The following BUB1B variants were observed in gnomAD, a reference collection of about 807,000 sequenced individuals.
The protein encoded by BUB1B is BUB1 mitotic checkpoint serine/threonine kinase B.
A neutral mutation model predicts 137.7 loss-of-function variants in BUB1B; 86 were observed. The observed-to-expected ratio is 0.62, with a 90% CI of 0.52 to 0.75. BUB1B has a LOEUF of 0.75. Among genes scored for constraint, BUB1B ranks in the 30% least tolerant of loss-of-function variants. BUB1B has a pLI of 0.00. For synonymous variants in BUB1B, 420 were observed against 417.9 expected (o/e 1.00, Z -0.06); for missense variants, 1,130 against 1,236.9 (o/e 0.91, Z 1.30).
intron 5 of BUB1B, among the ~76,000 whole-genome samples, chr15:40,183,380 A>T (rs1337400463): frequency 2.6e-5 from 4 of 152,238 alleles, no homozygotes; most frequent in African/African-American, 9.6e-5. Flanking sequence ...TCTAATAAAA[A>T]GTTAGTGGGA....
chr15:40,217,626 G>A lies in BUB1B; in HGVS notation c.2809G>A (p.Glu937Lys), dbSNP rs1219557857. 1 of 1,614,178 alleles carries A rather than the reference G, an allele frequency of 6.2e-7. No homozygotes were observed. The highest frequency in any genetic ancestry group is 8.5e-7 in the Non-Finnish European group (1 of 1,180,016). ...CGGCTTTCGGACTGTACAGATCCTG[G>A]AAGGACAAAAGATCCTGGCTAACTG... ...LSGFRTVQIL[E>K]GQKILANCSS... is the part of the protein sequence containing the mutation. The change falls in exon 21 of 23, where the codon GAA becomes AAA. Residue 937 changes from glutamate (E) to lysine (K), a missense_variant. By Grantham distance (56) the Glu-to-Lys change is moderately conservative. Coordinates refer to ENST00000287598, the MANE Select transcript of BUB1B (RefSeq NM_001211.6).
chr15:40,200,822 A>T, intron 11 of BUB1B, 109 bp from the exon 12 acceptor site: 1 of 895,940 alleles, frequency 1.1e-6, no homozygotes, highest in Non-Finnish European at 1.8e-6. Flanking sequence ...GTAATAATTT[A>T]TCTTAGAGTA....
At chr15:40,216,567 ATATATT>A (rs1163830906) in intron 20 of BUB1B, among the ~76,000 whole-genome samples, 70 of 57,580 alleles carry the variant, frequency 1.2e-3, no homozygotes, top group African/African-American at 3.0e-3. Flanking sequence ...ATATATATAT[ATATATT>A]TTTTTTTTTT....
chr15:40,185,441 A>C, intron 7 of BUB1B, 62 bp downstream of exon 7: 2 of 1,597,076 alleles, frequency 1.3e-6, no homozygotes, highest in Non-Finnish European at 1.7e-6. Flanking sequence ...TAGGGTAGAG[A>C]AGTATTTTTA....
At chr15:40,198,434 C>T (rs2037525302) in intron 9 of BUB1B, among the ~76,000 whole-genome samples, 1 of 152,032 alleles carries the variant, frequency 6.6e-6, no homozygotes, top group South Asian at 2.1e-4. Flanking sequence ...TATAAATTCC[C>T]ATCTGTGTAT....
chr15:40,216,894 T>A (rs1161851080), intron 20 of BUB1B, among the ~76,000 whole-genome samples: 1 of 152,022 alleles, frequency 6.6e-6, no homozygotes, highest in Non-Finnish European at 1.5e-5. Flanking sequence ...ACAAAATTAA[T>A]TGATAATTAA....
At chr15:40,206,121 C>G (rs1336028017) in intron 14 of BUB1B, 63 bp from the exon 15 acceptor site, 1 of 1,540,748 alleles carries the variant, frequency 6.5e-7, no homozygotes, top group African/African-American at 1.4e-5. Context: ...ATGTCTCTCT[C>G]AGTAAAAAAG....
intron 22 of BUB1B, 24 bp downstream of exon 22, chr15:40,218,586 T>G: frequency 1.3e-6 from 2 of 1,516,106 alleles, no homozygotes; most frequent in Non-Finnish European, 1.8e-6. Flanking sequence ...AATGTCAGGG[T>G]CTCTGCCTGT....
chr15:40,161,706 T>C (rs2037044452), intron 1 of BUB1B, among the ~76,000 whole-genome samples: 1 of 152,168 alleles, frequency 6.6e-6, no homozygotes, highest in African/African-American at 2.4e-5. Context: ...AGCACAGAGA[T>C]CTGAAAGCCT....
chr15:40,176,952 A>G (rs1350375351), intron 5 of BUB1B, among the ~76,000 whole-genome samples: 1 of 152,166 alleles, frequency 6.6e-6, no homozygotes, highest in Non-Finnish European at 1.5e-5. Context: ...TGTAATTAGT[A>G]CCTATGCTGA....
chr15:40,203,622 C>A (rs2037602070), intron 14 of BUB1B, among the ~76,000 whole-genome samples: 1 of 152,088 alleles, frequency 6.6e-6, no homozygotes, highest in African/African-American at 2.4e-5. Flanking sequence ...ACCAACATAG[C>A]AAAAGACATT....
At chr15:40,209,878 T>C (rs1337219009) in intron 17 of BUB1B, 103 bp downstream of exon 17, 6 of 1,482,330 alleles carry the variant, frequency 4.0e-6, no homozygotes, top group Non-Finnish European at 4.7e-6. Context: ...ATTCCTAGAT[T>C]GTATTTTTTA....
chr15:40,196,774 G>A lies in BUB1B; in HGVS notation c.1288G>A (p.Ala430Thr). ...GAAGAAATTAAAAGAGCAAAGGGAA[G>A]GTGTGTGTAATTCAAGTTTGTGAAG... ...FRKKLKEQRE[A>T]ELLTSAEKRA... is the part of the protein sequence containing the mutation. Residue 430 changes from alanine (A) to threonine (T), a missense_variant and splice_region_variant, in exon 9 of 23, where the codon GCC (alanine) becomes ACC (threonine). Transcript: ENST00000287598. 2 of 1,613,512 alleles carry A rather than the reference G, an allele frequency of 1.2e-6. No homozygotes were observed. Among genetic ancestry groups the A allele is most frequent in the Non-Finnish European group, 1.7e-6 (2 of 1,179,514 alleles).
intron 8 of BUB1B, among the ~76,000 whole-genome samples, chr15:40,185,989 A>G (rs1456969203): frequency 6.6e-6 from 1 of 152,254 alleles, no homozygotes; most frequent in Non-Finnish European, 1.5e-5. Flanking sequence ...AATTAGGTTT[A>G]TATTTTCATT....
intron 2 of BUB1B, among the ~76,000 whole-genome samples, chr15:40,168,435 A>G (rs1332400437): frequency 6.6e-6 from 1 of 152,142 alleles, no homozygotes; most frequent in African/African-American, 2.4e-5. Flanking sequence ...ATTGGTTTGA[A>G]TCTATAGATC....
intron 2 of BUB1B, among the ~76,000 whole-genome samples, chr15:40,167,840 C>T (rs1229863990): frequency 6.6e-6 from 1 of 151,676 alleles, no homozygotes; most frequent in African/African-American, 2.4e-5. Context: ...CATTTGACCA[C>T]ATATGTGTGG....
At chr15:40,189,425 G>T (rs756149654) in intron 8 of BUB1B, among the ~76,000 whole-genome samples, 1 of 152,216 alleles carries the variant, frequency 6.6e-6, no homozygotes, top group Non-Finnish European at 1.5e-5. Context: ...TTCCCAGACC[G>T]CTGGGATTAT....
At chr15:40,162,958 A>T (rs887948708) in intron 1 of BUB1B, among the ~76,000 whole-genome samples, 14 of 152,150 alleles carry the variant, frequency 9.2e-5, no homozygotes, top group Admixed American at 3.9e-4. Context: ...TCGTTTCGTT[A>T]TAATGTTGAT....
At chr15:40,165,281 A>G (rs1460018107) in intron 2 of BUB1B, 85 bp downstream of exon 2, 4 of 1,578,698 alleles carry the variant, frequency 2.5e-6, no homozygotes, top group Non-Finnish European at 3.5e-6. Flanking sequence ...GAGAGATGGC[A>G]TAATGAGTAC....
Sources: gnomAD v4.1 joint callset for allele counts (sites outside exome capture counted in the v4.1 genomes callset) on GRCh38, gnomAD v4.1.1 for gene constraint, MANE v1.5 for transcripts, NCBI Gene and HGNC (gene_info 2026-07-23, HGNC 2026-07-21) for gene names.